PLCD1: variants seen among roughly 807,000 people sequenced by gnomAD.
PLCD1 encodes 1-phosphatidylinositol 4,5-bisphosphate phosphodiesterase delta-1.
A neutral mutation model predicts 87.4 loss-of-function variants in PLCD1; 71 were observed. The observed-to-expected ratio is 0.81, with a 90% confidence interval of 0.67 to 0.99. The LOEUF is 0.99. Ranked by LOEUF, PLCD1 falls within the 50% of genes least tolerant of loss-of-function variation. The pLI is 0.00. For missense variants in PLCD1, 867 were observed against 1,001.5 expected, an observed-to-expected ratio of 0.87 and a Z score of 1.81; for synonymous variants, 348 against 399.2, an observed-to-expected ratio of 0.87 and a Z score of 1.53.
chr3:38,008,078 A>G lies in PLCD1; in HGVS notation c.2121T>C (p.Tyr707=). 6.2e-7 allele frequency: 1 copy of G among 1,614,180 alleles called. No homozygotes were observed. The highest frequency in any genetic ancestry group is 2.2e-5 in the East Asian group (1 of 44,876). The stretch of plus-strand genomic sequence containing the variant: ...TGAAGTCATTCTTGGAGGAGGCATC[A>G]TAATCTTCCACCAAGAAGCGGATGA... ...LALIRFLVED[Y]DASSKNDFIG... The change falls in exon 14 of 15, where the codon TAT becomes TAC. Residue 707 remains tyrosine, a synonymous_variant. Coordinates refer to ENST00000334661, the MANE Select transcript of PLCD1 (RefSeq NM_006225.4).
At position 38,017,009 on chromosome 3, in the gene PLCD1, G is replaced by A. The variant is rs73825462; in HGVS notation, c.200-290C>T. Among the ~76,000 whole-genome samples, 3,542 of 152,082 alleles carry A rather than the reference G, an allele frequency of 0.023. 97 individuals carry two copies. Among genetic ancestry groups the A allele is most frequent in the African/African-American group, 0.064 (2,655 of 41,484 alleles). ...AGAGACAGAGAGTGAGAGAAAGACA[G>A]ACTTTAGGGCGGAAAAGGCACCTGG... is the stretch of plus-strand genomic sequence containing the variant. On this transcript the variant is annotated intron_variant, in intron 2 of 14. Transcript: ENST00000334661. This position sits in a 1 kb window ranked among gnomAD's most constrained non-coding sequence, Gnocchi z 4.7.
At position 38,025,131 on chromosome 3, in the gene PLCD1, G is replaced by A. The variant is rs116395938; in HGVS notation, c.34+4375C>T. Among the ~76,000 whole-genome samples the A allele has an allele frequency of 0.012, 1,757 of 152,304 alleles. 31 individuals are homozygous for A. The highest frequency in any genetic ancestry group is 0.04 in the African/African-American group (1,652 of 41,562). ...CAGAGCCATACCCAGGAAGCAGCCC[G>A]GGGGCGGGGCCAGGGCCCAGGAGGC... On this transcript the variant is annotated intron_variant, in intron 1 of 14. Coordinates refer to ENST00000334661, the MANE Select transcript of PLCD1 (RefSeq NM_006225.4). This position sits in a 1 kb window ranked among gnomAD's most constrained non-coding sequence, Gnocchi z 4.0.
At chr3:38,020,444 A>C in intron 1 of PLCD1, 92 bp from the exon 2 acceptor site, 2 of 1,234,960 alleles carry the variant, frequency 1.6e-6, no homozygotes, top group Non-Finnish European at 2.4e-6. Flanking sequence ...CGACCCTCTC[A>C]GAGCCCACTT....
chr3:38,007,920 G>C (rs879193384), intron 14 of PLCD1, 62 bp from the exon 15 acceptor site: 21 of 1,604,826 alleles, frequency 1.3e-5, no homozygotes, highest in Middle Eastern at 1.6e-4. Flanking sequence ...CGGCGGAGGG[G>C]GGGTGGATGC....
intron 2 of PLCD1, among the ~76,000 whole-genome samples, chr3:38,019,533 CTTAAAGGGAGAG>C (rs1270298802): frequency 6.6e-6 from 1 of 152,134 alleles, no homozygotes; most frequent in Non-Finnish European, 1.5e-5. Flanking sequence ...AATTCTCTCC[CTTAAAGGGAGAG>C]AACTGAGTGA....
At position 38,011,303 on chromosome 3, in the gene PLCD1, ACTAACTGATCCACCGACAGAGTCTCC is replaced by A; in HGVS notation, c.675_700del (p.Glu226AspfsTer22). 1 of 1,612,088 alleles carries A rather than the reference ACTAACTGATCCACCGACAGAGTCTCC, an allele frequency of 6.2e-7. No homozygotes were observed. Among genetic ancestry groups the A allele is most frequent in the East Asian group, 2.2e-5 (1 of 44,884 alleles). On this transcript the variant is annotated frameshift_variant, in exon 5 of 15. Transcript: ENST00000334661. LOFTEE classifies it high-confidence loss of function. ...CCGCTGCTGGTGCTGCAGGAACGTC[ACTAACTGATCCACCGACAGAGTCTCC>A]CCTGAGCCCGCGGCCTCGGCGAAGG...
At chr3:38,029,402 TG>T in intron 1 of PLCD1, 103 bp downstream of exon 1, 1 of 1,015,408 alleles carries the variant, frequency 9.8e-7, no homozygotes, top group Non-Finnish European at 1.5e-6. Flanking sequence ...CGGGGTGGTG[TG>T]GAGGCGGCCG....
In PLCD1 at chr3:38,020,926, G is replaced by A. The variant is rs144557504; in HGVS notation, c.35-574C>T. The stretch of plus-strand genomic sequence containing the variant: ...GTTCAGGTGCCCTTCCCAACAAGCT[G>A]TGTGACCTGGGCAAGGGACTTCATG... On this transcript the variant is annotated intron_variant, in intron 1 of 14. Coordinates refer to ENST00000334661, the MANE Select transcript of PLCD1 (RefSeq NM_006225.4). Among the ~76,000 whole-genome samples the A allele has an allele frequency of 4.1e-3, 617 of 152,298 alleles. 2 individuals carry two copies. Among genetic ancestry groups the A allele is most frequent in the African/African-American group, 0.014 (593 of 41,562 alleles).
chr3:38,019,670 A>C (rs572089252), intron 2 of PLCD1, among the ~76,000 whole-genome samples: 1 of 152,044 alleles, frequency 6.6e-6, no homozygotes, highest in Non-Finnish European at 1.5e-5. Flanking sequence ...CAGACCCACA[A>C]GGGCTCCCCA....
chr3:38,029,375 G>A, intron 1 of PLCD1, 131 bp downstream of exon 1: 4 of 805,052 alleles, frequency 5.0e-6, no homozygotes, highest in South Asian at 4.4e-5. Flanking sequence ...TCCGGAGAAG[G>A]GGCAGAGAGG....
At chr3:38,016,468 A>G in intron 3 of PLCD1, 23 bp downstream of exon 3, 2 of 1,526,492 alleles carry the variant, frequency 1.3e-6, no homozygotes, top group South Asian at 1.1e-5. Context: ...CCAGGCCTGG[A>G]CCCACTGCCA....
Position 38,007,661 on chromosome 3 carries a change from T to G in PLCD1, c.*112A>C. The G allele has an allele frequency of 1.2e-6, 1 of 828,690 alleles. No homozygotes were observed. The highest frequency in any genetic ancestry group is 2.1e-6 in the Non-Finnish European group (1 of 485,876). The allele number at this position is 828,690 out of a possible 1,614,324, so 51.3% of individuals were successfully genotyped here. A position where few individuals can be genotyped will look rare whatever the true frequency, so the allele number is the denominator to read the frequency against. ...GACACTATGTTAGGGCTGAAGGCAA[T>G]TTGGGGGCCTAGCTCTGAGCAAGAG... is the stretch of plus-strand genomic sequence containing the variant. On this transcript the variant is annotated 3_prime_UTR_variant, in exon 15 of 15. Coordinates refer to ENST00000334661, the MANE Select transcript of PLCD1 (RefSeq NM_006225.4).
rs534345172 is a variant in PLCD1 at position 38,021,657 on chromosome 3, A to G, written c.35-1305T>C. On this transcript the variant is annotated intron_variant, in intron 1 of 14. Coordinates refer to ENST00000334661, the MANE Select transcript of PLCD1 (RefSeq NM_006225.4). ...CGTACATAGTCCAGCAGCCAGCTCT[A>G]TTGAGAGCCAATCGGCCACTTCACT... Among the ~76,000 whole-genome samples the G allele has an allele frequency of 1.4e-4, 21 of 152,292 alleles. No homozygotes were observed. The South Asian group carries it at 4.4e-3, about 32-fold the overall frequency.
chr3:38,013,624 T>C (rs1325775723), intron 3 of PLCD1, among the ~76,000 whole-genome samples: 1 of 152,016 alleles, frequency 6.6e-6, no homozygotes. Flanking sequence ...GTTAGTGTAG[T>C]CTCCATAAAC....
chr3:38,009,820 G>C lies in PLCD1; in HGVS notation c.1288-9C>G, dbSNP rs1390779001. On this transcript the variant is annotated splice_polypyrimidine_tract_variant and intron_variant, in intron 8 of 14. Transcript: ENST00000334661. Reference sequence around the variant, plus strand: ...ATCTTCCCCTTCAGTTGCTAGGTGGGGAGGGGCAACTGGTCAAGACACACC... The same window carrying C: ...ATCTTCCCCTTCAGTTGCTAGGTGGCGAGGGGCAACTGGTCAAGACACACC... The C allele has an allele frequency of 6.2e-7, 1 of 1,613,796 alleles. No homozygotes were observed. Among genetic ancestry groups the C allele is most frequent in the Non-Finnish European group, 8.5e-7 (1 of 1,179,988 alleles).
At chr3:38,028,777 G>A (rs1700332860) in intron 1 of PLCD1, among the ~76,000 whole-genome samples, 1 of 152,210 alleles carries the variant, frequency 6.6e-6, no homozygotes, top group South Asian at 2.1e-4. Context: ...GCCTTCGGGA[G>A]CCCAGGCTCC....
rs1007384310 is a variant in PLCD1, at chr3:38,025,398, G to A, written c.34+4108C>T. 4.9e-4 allele frequency among the ~76,000 whole-genome samples: 75 copies of A among 152,160 alleles called. No individual in the cohort carries two copies. The highest frequency in any genetic ancestry group is 5.9e-5 in the Non-Finnish European group (4 of 68,038). ...GGGAGGTGGATGGCAGTCTAGCGGGGACCTGAGTGGGGCGAGATCAGGCGG... is the reference window on the plus strand; with the variant it reads ...GGGAGGTGGATGGCAGTCTAGCGGGAACCTGAGTGGGGCGAGATCAGGCGG... On this transcript the variant is annotated intron_variant, in intron 1 of 14. Transcript: ENST00000334661. The surrounding 1 kb of genome is among the most constrained non-coding windows in gnomAD (Gnocchi z 4.0).
chr3:38,024,683 C>T, intron 1 of PLCD1: 6 of 1,500,834 alleles, frequency 4.0e-6, no homozygotes, highest in Non-Finnish European at 5.3e-6. Context: ...CGGAGCTAGT[C>T]CACGAGCGGC....
chr3:38,011,395 G>A lies in PLCD1; in HGVS notation c.609C>T (p.Ala203=). 1.2e-6 allele frequency: 2 copies of A among 1,613,892 alleles called. No homozygotes were observed. The highest frequency in any genetic ancestry group is 1.7e-4 in the Middle Eastern group (1 of 5,780). Residue 203 remains alanine (A), a synonymous_variant, in exon 5 of 15, where the codon GCC becomes GCT. Coordinates refer to ENST00000334661, the MANE Select transcript of PLCD1 (RefSeq NM_006225.4). ...CCCGCTGGGTCAGCATCTTGTAGAA[G>A]GCCTCAATCTCCTCGTCCTCCAGGG... ...TDSLEDEEIE[A]FYKMLTQRVE...
Sources: gnomAD v4.1 joint callset for allele counts (sites outside exome capture counted in the v4.1 genomes callset) on GRCh38, gnomAD v4.1.1 for gene constraint, Gnocchi (gnomAD v3.1) non-coding constraint, MANE v1.5 for transcripts, NCBI Gene and HGNC (gene_info 2026-07-23, HGNC 2026-07-21) for gene names.